The following AGPAT2 variants were observed in gnomAD, a reference collection of about 807,000 sequenced individuals.
The protein encoded by AGPAT2 is 1-acylglycerol-3-phosphate O-acyltransferase 2.
A neutral mutation model predicts 26.1 loss-of-function variants in AGPAT2; 18 were observed. The observed-to-expected ratio is 0.69, with a 90% CI of 0.48 to 1.02. AGPAT2 has a LOEUF of 1.02. AGPAT2 is among the 50% of genes least tolerant of loss of function. The pLI is 0.00. For missense variants in AGPAT2, 415 were observed against 394.9 expected (o/e 1.05, Z -0.43); for synonymous variants, 200 against 174.2 (o/e 1.15, Z -1.16).
chr9:136,677,319 G>A, intron 2 of AGPAT2, 104 bp downstream of exon 2: 1 of 1,573,820 alleles, frequency 6.4e-7, no homozygotes, highest in Non-Finnish European at 8.7e-7. Flanking sequence ...GCTCGCCCAG[G>A]CACAGGCAGC....
In AGPAT2 at chr9:136,676,911, C is replaced by T. The variant is rs142589201; in HGVS notation, c.492+50G>A. The T allele has an allele frequency of 6.7e-4, 981 of 1,459,320 alleles. 18 individuals are homozygous for T. The African/African-American group carries it at 0.012, about 18-fold the overall frequency. The allele number at this position is 1,459,320 out of a possible 1,614,324, so 90.4% of individuals were successfully genotyped here. On this transcript the variant is annotated intron_variant, in intron 3 of 5. Coordinates refer to ENST00000371696, the MANE Select transcript of AGPAT2 (RefSeq NM_006412.4). ...AGTCACAAGCTGGCCCCTGCCTGGC[C>T]CCGCCCAGGCCCCACCCCAACCCCA...
chr9:136,683,134 A>G lies in AGPAT2; in HGVS notation c.182+4042T>C, dbSNP rs546542441. Among the ~76,000 whole-genome samples the G allele has an allele frequency of 5.9e-5, 9 of 152,202 alleles. No homozygotes were observed. The South Asian group carries it at 1.9e-3, about 32-fold the overall frequency. On this transcript the variant is annotated intron_variant, in intron 1 of 5. Transcript: ENST00000371696. ...CACGGTGGCTCATGCCTGTGACCCC[A>G]GCACTTTGGGAGGCTGAGGCAGACG...
In AGPAT2 at chr9:136,677,227, C is replaced by T. The variant is rs1017984201; in HGVS notation, c.317-91G>A. 7.8e-6 allele frequency: 12 copies of T among 1,532,854 alleles called. No homozygotes were observed. In the African/African-American group the frequency reaches 1.2e-4, roughly 16 times the overall value. The allele number at this position is 1,532,854 out of a possible 1,614,324, so 95.0% of individuals were successfully genotyped here. A position where few individuals can be genotyped will look rare whatever the true frequency, so the allele number is the denominator to read the frequency against. ...GAGCACCCACAGGCCTGCCTGGCACCCTGCCTTCTCCCTGGCTACCTGGAC... is the reference window on the plus strand; with the variant it reads ...GAGCACCCACAGGCCTGCCTGGCACTCTGCCTTCTCCCTGGCTACCTGGAC... On this transcript the variant is annotated intron_variant, in intron 2 of 5. Transcript: ENST00000371696.
At chr9:136,674,829 G>A in intron 4 of AGPAT2, 22 bp from the exon 5 acceptor site, 1 of 1,534,416 alleles carries the variant, frequency 6.5e-7, no homozygotes, top group African/African-American at 1.4e-5. Flanking sequence ...GAGACGCACA[G>A]CTGAGGCAGC....
chr9:136,673,777 C>T lies in AGPAT2; in HGVS notation c.812G>A (p.Gly271Glu), dbSNP rs1390698959. ...KTPQENGATAGSGVQPAQ is the reference protein window; with the variant it reads ...KTPQENGATAESGVQPAQ The stretch of plus-strand genomic sequence containing the variant: ...CTACTGGGCCGGCTGCACGCCAGAC[C>T]CCGCAGTGGCCCCGTTCTCCTGGGG... Residue 271 changes from glycine (G) to glutamate (E), a missense_variant, in exon 6 of 6, where the codon GGG becomes GAG. Coordinates refer to ENST00000371696, the MANE Select transcript of AGPAT2 (RefSeq NM_006412.4). 1 of 1,601,344 alleles carries T rather than the reference C, an allele frequency of 6.2e-7. No individual in the cohort carries two copies. The highest frequency in any genetic ancestry group is 8.5e-7 in the Non-Finnish European group (1 of 1,175,594).
At chr9:136,678,971 C>G (rs1280912231) in intron 1 of AGPAT2, among the ~76,000 whole-genome samples, 1 of 152,210 alleles carries the variant, frequency 6.6e-6, no homozygotes, top group Non-Finnish European at 1.5e-5. Context: ...CCAGGCTGGT[C>G]TCGAACTCCT....
intron 4 of AGPAT2, 98 bp downstream of exon 4, chr9:136,676,487 G>C: frequency 2.1e-6 from 2 of 947,664 alleles, no homozygotes; most frequent in Non-Finnish European, 3.3e-6. Context: ...TGTGTGTCAA[G>C]GGTCCTCAGC....
chr9:136,683,644 G>A (rs143277924), intron 1 of AGPAT2, among the ~76,000 whole-genome samples: 1,543 of 152,322 alleles, frequency 0.01, 30 homozygotes, highest in African/African-American at 0.036. Context: ...GGGGGTCCCC[G>A]TGACTCCTCA....
chr9:136,681,566 C>G (rs1846161279), intron 1 of AGPAT2, among the ~76,000 whole-genome samples: 1 of 152,182 alleles, frequency 6.6e-6, no homozygotes, highest in Non-Finnish European at 1.5e-5. Context: ...CTTTGGGAGG[C>G]CAAGGCGGGC....
intron 1 of AGPAT2, among the ~76,000 whole-genome samples, chr9:136,686,221 C>T (rs973264440): frequency 6.6e-6 from 1 of 152,264 alleles, no homozygotes; most frequent in Non-Finnish European, 1.5e-5. Context: ...AACCCTCACC[C>T]ACTGCCCCTG....
chr9:136,681,907 G>T (rs369039881), intron 1 of AGPAT2, among the ~76,000 whole-genome samples: 120 of 152,152 alleles, frequency 7.9e-4, no homozygotes, highest in African/African-American at 2.7e-3. Flanking sequence ...GAGAAAAATC[G>T]CCTTCTAAGC....
intron 1 of AGPAT2, among the ~76,000 whole-genome samples, chr9:136,682,545 C>G (rs1256876768): frequency 1.3e-5 from 2 of 152,234 alleles, no homozygotes; most frequent in African/African-American, 4.8e-5. Flanking sequence ...TTGCCGGAAG[C>G]CTGGAGCTCA....
At chr9:136,680,056 A>C (rs1846140587) in intron 1 of AGPAT2, among the ~76,000 whole-genome samples, 1 of 152,184 alleles carries the variant, frequency 6.6e-6, no homozygotes, top group Non-Finnish European at 1.5e-5. Context: ...GGGCGCGGGG[A>C]AAGAACAGGA....
At chr9:136,675,616 G>A (rs1846081418) in intron 4 of AGPAT2, among the ~76,000 whole-genome samples, 1 of 151,746 alleles carries the variant, frequency 6.6e-6, no homozygotes, top group Non-Finnish European at 1.5e-5. Flanking sequence ...AAAGCTGTGG[G>A]TCTCCTGGCT....
chr9:136,682,783 C>T (rs1428174264), intron 1 of AGPAT2, among the ~76,000 whole-genome samples: 4 of 152,144 alleles, frequency 2.6e-5, no homozygotes, highest in Admixed American at 6.5e-5. Context: ...AGCGAAGCCC[C>T]GTAAGAGACC....
chr9:136,674,847 A>AC, intron 4 of AGPAT2, 40 bp from the exon 5 acceptor site: 1 of 1,471,952 alleles, frequency 6.8e-7, no homozygotes. Flanking sequence ...AGCCCTGGGG[A>AC]CAGGCCAGGC....
At chr9:136,674,632 C>A in intron 5 of AGPAT2, 103 bp downstream of exon 5, 1 of 901,648 alleles carries the variant, frequency 1.1e-6, no homozygotes, top group East Asian at 3.1e-5. Flanking sequence ...CGTGTGGCCA[C>A]GCCACGGGTG....
Position 136,679,685 on chromosome 9 carries a change from C to G in AGPAT2, c.183-2129G>C, listed in dbSNP as rs574310471. 2.1e-3 allele frequency among the ~76,000 whole-genome samples: 314 copies of G among 152,338 alleles called. 2 individuals are homozygous for G. The highest frequency in any genetic ancestry group is 5.9e-3 in the African/African-American group (245 of 41,578). On this transcript the variant is annotated intron_variant, in intron 1 of 5. Coordinates refer to ENST00000371696, the MANE Select transcript of AGPAT2 (RefSeq NM_006412.4). ...TCTGGTGCTAGCAAGACGGCCGTGT[C>G]GCCAATCAAAGAAGCGCAAATGGAA...
rs1459108959 is a variant in AGPAT2, at chr9:136,673,878, AG to A, written c.710del (p.Thr237MetfsTer16). The A allele has an allele frequency of 1.9e-6, 3 of 1,602,950 alleles. No individual in the cohort carries two copies. Among genetic ancestry groups the A allele is most frequent in the Non-Finnish European group, 2.6e-6 (3 of 1,176,118 alleles). On this transcript the variant is annotated frameshift_variant, in exon 6 of 6. Transcript: ENST00000371696. LOFTEE classifies it low-confidence loss of function (END_TRUNC). ...VLEAIPTSGL[T>X]AADVPALVDT... ...CCACGAGCGCAGGGACGTCCGCCGCAGTGAGGCCGCTGGTGGGGATGGCTTC... is the reference window on the plus strand; with the variant it reads ...CCACGAGCGCAGGGACGTCCGCCGCATGAGGCCGCTGGTGGGGATGGCTTC...
Sources: gnomAD v4.1 joint callset for allele counts (sites outside exome capture counted in the v4.1 genomes callset) on GRCh38, gnomAD v4.1.1 for gene constraint, MANE v1.5 for transcripts, NCBI Gene and HGNC (gene_info 2026-07-23, HGNC 2026-07-21) for gene names.